The following CTTNBP2 variants were observed in gnomAD, a reference collection of about 807,000 sequenced individuals.
CTTNBP2 encodes cortactin binding protein 2, also known as cortactin-binding protein 2.
CTTNBP2 carries 108 observed loss-of-function variants against 156.9 expected under a neutral mutation model. The ratio of observed to expected loss-of-function variants is 0.69; its 90% CI spans 0.59 to 0.81. The LOEUF (loss-of-function observed/expected upper bound fraction) is 0.81, where lower values mean the gene tolerates loss of function less well. CTTNBP2 is among the 30% of genes least tolerant of loss of function. CTTNBP2 has a pLI of 0.00. For missense variants in CTTNBP2, 1,924 were observed against 2,035.4 expected, an observed-to-expected ratio of 0.95 and a Z score of 1.05; for synonymous variants, 767 against 751.8, an observed-to-expected ratio of 1.02 and a Z score of -0.33.
intron 2 of CTTNBP2, among the ~76,000 whole-genome samples, chr7:117,854,873 C>A (rs1803185438): frequency 6.6e-6 from 1 of 152,154 alleles, no homozygotes. Context: ...CAACCTCCGC[C>A]TCCCGGGTTC....
At chr7:117,825,913 T>C (rs1801246918) in intron 2 of CTTNBP2, among the ~76,000 whole-genome samples, 1 of 152,208 alleles carries the variant, frequency 6.6e-6, no homozygotes, top group Non-Finnish European at 1.5e-5. Context: ...TTAGGATGTC[T>C]CATTAGAGAA....
rs901361942 is a variant in CTTNBP2 at position 117,857,691 on chromosome 7, GA to G, written c.189+3517del. ...TTTCAGAGGAATATTAATTTTGGCT[GA>G]AAAAAAAAACCAAGATGCACTTCCT... On this transcript the variant is annotated intron_variant, in intron 2 of 22. Coordinates refer to ENST00000160373, the MANE Select transcript of CTTNBP2 (RefSeq NM_033427.3). Among the ~76,000 whole-genome samples the G allele has an allele frequency of 2.1e-3, 309 of 147,034 alleles. 1 individual carries two copies. The highest frequency in any genetic ancestry group is 2.7e-3 in the Non-Finnish European group (178 of 66,476).
intron 5 of CTTNBP2, among the ~76,000 whole-genome samples, chr7:117,783,388 A>G (rs1798537424): frequency 6.6e-6 from 1 of 152,210 alleles, no homozygotes; most frequent in Non-Finnish European, 1.5e-5. Context: ...TTATTACTTT[A>G]TGATGTTTAA....
chr7:117,814,570 G>C (rs192373676), intron 2 of CTTNBP2, among the ~76,000 whole-genome samples: 12 of 152,096 alleles, frequency 7.9e-5, no homozygotes, highest in Non-Finnish European at 1.3e-4. Context: ...TGAGACTATA[G>C]GCACGTGCCA....
chr7:117,773,705 A>C lies in CTTNBP2; in HGVS notation c.2778+3806T>G, dbSNP rs867583206. Among the ~76,000 whole-genome samples, 127 of 127,650 alleles carry C rather than the reference A, an allele frequency of 9.9e-4. 1 individual carries two copies. Among genetic ancestry groups the C allele is most frequent in the African/African-American group, 4.3e-3 (114 of 26,770 alleles). The allele number at this position is 127,650 out of a possible 152,430, so 83.7% of individuals were successfully genotyped here. On this transcript the variant is annotated intron_variant, in intron 8 of 22. Coordinates refer to ENST00000160373, the MANE Select transcript of CTTNBP2 (RefSeq NM_033427.3). ...CACACACACACACACACACACACAC[A>C]CACCCCAAAAAACAAAAAGCAGAAA...
intron 6 of CTTNBP2, among the ~76,000 whole-genome samples, chr7:117,782,020 CATAA>C (rs1798462591): frequency 1.3e-5 from 2 of 152,124 alleles, no homozygotes; most frequent in African/African-American, 4.8e-5. Flanking sequence ...TCATGCTCTA[CATAA>C]ATAATTCATT....
At chr7:117,812,712 AT>A (rs1424184053) in intron 2 of CTTNBP2, among the ~76,000 whole-genome samples, 1 of 152,178 alleles carries the variant, frequency 6.6e-6, no homozygotes, top group East Asian at 1.9e-4. Context: ...GAGAGATGCA[AT>A]TTCAAAAGCA....
At chr7:117,785,985 T>A (rs1400220343) in intron 4 of CTTNBP2, among the ~76,000 whole-genome samples, 1 of 152,212 alleles carries the variant, frequency 6.6e-6, no homozygotes, top group Non-Finnish European at 1.5e-5. Flanking sequence ...TACATTGGTA[T>A]CAGCATAATT....
At chr7:117,861,640 G>C (rs1256015779) in intron 1 of CTTNBP2, among the ~76,000 whole-genome samples, 1 of 152,098 alleles carries the variant, frequency 6.6e-6, no homozygotes, top group Non-Finnish European at 1.5e-5. Context: ...TACATCTTGG[G>C]GGAGTGGGGG....
At chr7:117,863,782 G>A (rs948897298) in intron 1 of CTTNBP2, among the ~76,000 whole-genome samples, 4 of 152,224 alleles carry the variant, frequency 2.6e-5, no homozygotes, top group African/African-American at 9.6e-5. Flanking sequence ...TTCATGTAGA[G>A]AGGAATGGGG....
chr7:117,852,002 C>T (rs1023099530), intron 2 of CTTNBP2, among the ~76,000 whole-genome samples: 2 of 152,124 alleles, frequency 1.3e-5, no homozygotes, highest in African/African-American at 2.4e-5. Context: ...AAACTAGATT[C>T]TGTTGATTCA....
chr7:117,736,236 C>T (rs1562962136), intron 14 of CTTNBP2, among the ~76,000 whole-genome samples: 3 of 152,138 alleles, frequency 2.0e-5, no homozygotes, highest in Admixed American at 2.0e-4. Flanking sequence ...GGGCAGATCA[C>T]TTGAGCCCAG....
At chr7:117,864,675 T>C (rs1250881875) in intron 1 of CTTNBP2, among the ~76,000 whole-genome samples, 42 of 141,670 alleles carry the variant, frequency 3.0e-4, no homozygotes, top group Non-Finnish European at 3.6e-4. Context: ...TATATTCATA[T>C]ATTTATATAT....
chr7:117,725,361 G>A, intron 17 of CTTNBP2, 104 bp from the exon 18 acceptor site: 1 of 1,024,734 alleles, frequency 9.8e-7, no homozygotes, highest in Non-Finnish European at 1.5e-6. Context: ...AAAACGTTAA[G>A]TGTTTCTATA....
intron 4 of CTTNBP2, among the ~76,000 whole-genome samples, chr7:117,784,683 T>C (rs1396274637): frequency 6.6e-6 from 1 of 152,194 alleles, no homozygotes; most frequent in Non-Finnish European, 1.5e-5. Flanking sequence ...TAAAAAATTA[T>C]TTTTAGTCAT....
chr7:117,834,215 T>A (rs922548210), intron 2 of CTTNBP2, among the ~76,000 whole-genome samples: 5 of 152,124 alleles, frequency 3.3e-5, no homozygotes, highest in Non-Finnish European at 7.4e-5. Context: ...CTACCACACC[T>A]GGCTAATTTT....
chr7:117,719,476 T>C, intron 21 of CTTNBP2, 28 bp downstream of exon 21: 1 of 1,597,492 alleles, frequency 6.3e-7, no homozygotes, highest in Non-Finnish European at 8.6e-7. Flanking sequence ...AGTAGAGCCA[T>C]TCAATGCCCC....
intron 2 of CTTNBP2, among the ~76,000 whole-genome samples, chr7:117,815,596 A>G (rs2116994131): frequency 6.6e-6 from 1 of 152,246 alleles, no homozygotes; most frequent in Non-Finnish European, 1.5e-5. Flanking sequence ...GCTCCCCACT[A>G]TTAGGATGCT....
At chr7:117,832,545 T>TA (rs1004073570) in intron 2 of CTTNBP2, among the ~76,000 whole-genome samples, 2 of 151,900 alleles carry the variant, frequency 1.3e-5, no homozygotes, top group African/African-American at 2.4e-5. Flanking sequence ...ATTTTTTTTT[T>TA]ACATACTACC....
Sources: gnomAD v4.1 joint callset for allele counts (sites outside exome capture counted in the v4.1 genomes callset) on GRCh38, gnomAD v4.1.1 for gene constraint, MANE v1.5 for transcripts, NCBI Gene and HGNC (gene_info 2026-07-23, HGNC 2026-07-21) for gene names.